The following LOC400499 variants were observed in gnomAD, a reference collection of about 807,000 sequenced individuals.
At chr16:11,377,775 T>A in the LOC400499 span, among the ~76,000 whole-genome samples, 1 of 152,252 alleles carries the variant, frequency 6.6e-6, no homozygotes, top group African/African-American at 2.4e-5. Context: ...TCTGGTGCTT[T>A]GTCTGCCTTT....
At chr16:11,446,235 A>C in the LOC400499 span, among the ~76,000 whole-genome samples, 1 of 152,056 alleles carries the variant, frequency 6.6e-6, no homozygotes, top group Non-Finnish European at 1.5e-5. Flanking sequence ...AGAAGCCTCA[A>C]CATCCTGGGC....
the LOC400499 span, among the ~76,000 whole-genome samples, chr16:11,422,701 C>T: frequency 1.3e-5 from 2 of 152,220 alleles, no homozygotes; most frequent in African/African-American, 2.4e-5. Flanking sequence ...TGCCTGAGCC[C>T]GTGACGCTCA....
At chr16:11,389,211 C>T in the LOC400499 span, among the ~76,000 whole-genome samples, 388 of 152,300 alleles carry the variant, frequency 2.5e-3, 1 homozygote, top group Non-Finnish European at 4.4e-3. Context: ...TCCTCAAAGC[C>T]AGTCATGGCC....
chr16:11,480,216 T>A, the LOC400499 span, among the ~76,000 whole-genome samples: 16 of 152,350 alleles, frequency 1.1e-4, no homozygotes, highest in East Asian at 2.9e-3. Context: ...GATGTGAGTC[T>A]CTAGGAAAAG....
At chr16:11,432,608 C>A in the LOC400499 span, among the ~76,000 whole-genome samples, 2 of 152,200 alleles carry the variant, frequency 1.3e-5, no homozygotes, top group African/African-American at 4.8e-5. Context: ...AGAAAAGGAA[C>A]AGCCCCAAGA....
chr16:11,427,330 A>G, the LOC400499 span, among the ~76,000 whole-genome samples: 1 of 145,522 alleles, frequency 6.9e-6, no homozygotes, highest in Non-Finnish European at 1.5e-5. Context: ...CCTGGGCAAC[A>G]AGAGCGAAAC....
the LOC400499 span, among the ~76,000 whole-genome samples, chr16:11,498,695 G>A: frequency 9.9e-5 from 15 of 151,686 alleles, no homozygotes; most frequent in African/African-American, 3.6e-4. Flanking sequence ...ATACAGCCCA[G>A]AGAGGCATGA....
chr16:11,416,123 T>C, the LOC400499 span, among the ~76,000 whole-genome samples: 54 of 152,054 alleles, frequency 3.6e-4, no homozygotes, highest in Admixed American at 7.2e-4. Flanking sequence ...GCTCAGCTAA[T>C]ATTTTTTGTA....
At chr16:11,497,047 C>T in the LOC400499 span, among the ~76,000 whole-genome samples, 2 of 151,486 alleles carry the variant, frequency 1.3e-5, no homozygotes, top group African/African-American at 2.4e-5. Context: ...TGTGTGTACA[C>T]GTGATCCAGC....
At chr16:11,508,818 G>C in the LOC400499 span, 1 of 399,018 alleles carries the variant, frequency 2.5e-6, no homozygotes, top group African/African-American at 2.1e-5. Context: ...ACAGCAGGCT[G>C]CTTGGGGTCA....
chr16:11,474,449 T>A, the LOC400499 span, among the ~76,000 whole-genome samples: 2 of 152,216 alleles, frequency 1.3e-5, no homozygotes, highest in Admixed American at 6.5e-5. Flanking sequence ...CTTCCTATTT[T>A]TTGTTCTAAA....
At chr16:11,437,860 C>T in the LOC400499 span, among the ~76,000 whole-genome samples, 4 of 152,306 alleles carry the variant, frequency 2.6e-5, 1 homozygote, top group South Asian at 6.2e-4. Flanking sequence ...CAGAGCGAGA[C>T]TCGGTCTCGA....
chr16:11,419,601 G>A, the LOC400499 span, among the ~76,000 whole-genome samples: 2,499 of 152,294 alleles, frequency 0.016, 74 homozygotes, highest in African/African-American at 0.056. Context: ...ATTGACAAAT[G>A]GGACCTCATT....
the LOC400499 span, among the ~76,000 whole-genome samples, chr16:11,452,163 G>A: frequency 6.6e-6 from 1 of 150,840 alleles, no homozygotes; most frequent in Non-Finnish European, 1.5e-5. Flanking sequence ...GGCAAACTCA[G>A]GCCCTCCAGA....
chr16:11,379,961 G>C, the LOC400499 span, among the ~76,000 whole-genome samples: 1 of 152,054 alleles, frequency 6.6e-6, no homozygotes, highest in Non-Finnish European at 1.5e-5. Context: ...ATATCACAAA[G>C]TATATCTATT....
the LOC400499 span, among the ~76,000 whole-genome samples, chr16:11,413,847 G>C: frequency 4.4e-4 from 67 of 152,310 alleles, no homozygotes; most frequent in African/African-American, 1.4e-3. Context: ...CTGTTTTGCA[G>C]ATGAGGAGAT....
chr16:11,488,471 G>A, the LOC400499 span, among the ~76,000 whole-genome samples: 1 of 152,176 alleles, frequency 6.6e-6, no homozygotes, highest in African/African-American at 2.4e-5. Context: ...CCACGCTGGA[G>A]TGCAGTGGTG....
chr16:11,432,022 G>A, the LOC400499 span, among the ~76,000 whole-genome samples: 2,498 of 152,252 alleles, frequency 0.016, 79 homozygotes, highest in African/African-American at 0.057. Context: ...GCCTGAGACC[G>A]CCATGATGTG....
the LOC400499 span, among the ~76,000 whole-genome samples, chr16:11,409,203 G>GT: frequency 6.6e-6 from 1 of 152,076 alleles, no homozygotes; most frequent in South Asian, 2.1e-4. Flanking sequence ...GGAGGTTGCG[G>GT]TGAGTCGAGA....
Sources: allele counts gnomAD v4.1 joint callset (sites outside exome capture counted in the v4.1 genomes callset), GRCh38; gene constraint gnomAD v4.1.1; transcripts MANE v1.5.